Variants in GALK1 observed in about 807,000 individuals in gnomAD.
The protein encoded by GALK1 is galactokinase 1.
GALK1 carries 30 observed loss-of-function variants against 38.6 expected under a neutral mutation model. The ratio of observed to expected loss-of-function variants is 0.78; its 90% CI spans 0.58 to 1.05. The LOEUF is 1.05. Ranked by LOEUF, GALK1 falls within the 50% of genes least tolerant of loss-of-function variation. The pLI is 0.00. For synonymous variants in GALK1, 240 were observed against 233.6 expected (o/e 1.03, Z -0.25); for missense variants, 512 against 540.5 (o/e 0.95, Z 0.52).
chr17:75,757,706 AG>A, downstream of GALK1: 1 of 1,084,338 alleles, frequency 9.2e-7, no homozygotes, highest in Non-Finnish European at 1.4e-6. Context: ...GGAGGCATGA[AG>A]GGGGCAAGGT....
At chr17:75,759,703 G>A (rs888891763) in intron 5 of GALK1, among the ~76,000 whole-genome samples, 1 of 152,098 alleles carries the variant, frequency 6.6e-6, no homozygotes, top group African/African-American at 2.4e-5. Context: ...CTTGGCCAAG[G>A]GCATCTGCAC....
rs763883590 is a variant in GALK1, at chr17:75,763,951, G to A, written c.301C>T (p.Pro101Ser). ...PLPTAQRSLE[P>S]GTPRWANYVK... ...TAGTTGGCCCACCGAGGAGTCCCAG[G>A]CTCCAGCGAGCGCTGGGCTGTGGGC... The change falls in exon 2 of 8, where the codon CCT becomes TCT. Residue 101 changes from proline to serine, a missense_variant. Coordinates refer to ENST00000588479, the MANE Select transcript of GALK1 (RefSeq NM_000154.2). 1.2e-6 allele frequency: 2 copies of A among 1,613,554 alleles called. No individual in the cohort carries two copies. The highest frequency in any genetic ancestry group is 2.2e-5 in the South Asian group (2 of 91,066).
At chr17:75,755,576 A>G, downstream of GALK1, 2 of 1,228,766 alleles carry the variant, frequency 1.6e-6, no homozygotes, top group South Asian at 2.5e-5. Context: ...AGGGTGAGTG[A>G]GTTGTCCAGC....
At chr17:75,756,744 G>A (rs754607950), downstream of GALK1, 61 of 1,612,926 alleles carry the variant, frequency 3.8e-5, no homozygotes, top group Non-Finnish European at 4.5e-5. Flanking sequence ...CCCCAGGCCC[G>A]CTGGTGTTCA....
At chr17:75,754,952 ACGTG>A, downstream of GALK1, 1 of 1,372,336 alleles carries the variant, frequency 7.3e-7, no homozygotes. Context: ...GCACGCACAC[ACGTG>A]CACACGCATG....
At chr17:75,759,922 C>T (rs2061580357) in intron 5 of GALK1, among the ~76,000 whole-genome samples, 1 of 152,144 alleles carries the variant, frequency 6.6e-6, no homozygotes, top group Non-Finnish European at 1.5e-5. Context: ...GGTTCAGATC[C>T]CAGCACTGCC....
At chr17:75,755,895 G>A (rs377643734), downstream of GALK1, 15 of 1,586,444 alleles carry the variant, frequency 9.5e-6, no homozygotes, top group South Asian at 2.2e-5. Context: ...GCCCTGCAAG[G>A]CCTGGCCCCA....
chr17:75,763,274 A>C (rs2061595813), intron 3 of GALK1, 46 bp downstream of exon 3: 1 of 1,613,510 alleles, frequency 6.2e-7, no homozygotes, highest in African/African-American at 1.3e-5. Flanking sequence ...CCACCTGGAG[A>C]CCTCAGGGAA....
intron 3 of GALK1, 78 bp downstream of exon 3, chr17:75,763,241 AT>A: frequency 6.2e-7 from 1 of 1,612,330 alleles, no homozygotes; most frequent in Non-Finnish European, 8.5e-7. Context: ...CACCCCCTCC[AT>A]AAGGCATAGT....
downstream of GALK1, chr17:75,757,684 A>G (rs774338264): frequency 3.8e-6 from 5 of 1,316,804 alleles, no homozygotes; most frequent in Non-Finnish European, 5.4e-6. Context: ...AGCAGGGGCT[A>G]GGTGTCTCCT....
downstream of GALK1, chr17:75,756,610 CCT>C (rs1568387366): frequency 6.2e-7 from 1 of 1,612,822 alleles, no homozygotes; most frequent in South Asian, 1.1e-5. Flanking sequence ...CACTGTGTCC[CCT>C]GCCAGGTGAG....
Position 75,758,488 on chromosome 17 carries a change from G to A in GALK1, c.905C>T (p.Ala302Val), listed in dbSNP as rs780321574. The change falls in exon 6 of 8, where the codon GCC becomes GTC. Residue 302 changes from alanine (A) to valine (V), a missense_variant. Physicochemically the swap from Ala to Val is moderately conservative, Grantham distance 64. Coordinates refer to ENST00000588479, the MANE Select transcript of GALK1 (RefSeq NM_000154.2). ...GCTCTCCACCATGAGGCGGCCAAAG[G>A]CTCTGTAGTCGCCACGTCTCAGGGC... is the stretch of plus-strand genomic sequence containing the variant. ...AAALRRGDYRAFGRLMVESHR... is the reference protein window; with the variant it reads ...AAALRRGDYRVFGRLMVESHR... 5.1e-5 allele frequency: 81 copies of A among 1,578,060 alleles called. 1 individual carries two copies. The Admixed American group carries it at 7.1e-4, about 14-fold the overall frequency.
At chr17:75,759,433 A>AAAG (rs1555748087) in intron 5 of GALK1, among the ~76,000 whole-genome samples, 3 of 149,574 alleles carry the variant, frequency 2.0e-5, no homozygotes, top group East Asian at 3.9e-4. Flanking sequence ...CTCTCAAAAA[A>AAAG]AAAGAAAGAA....
chr17:75,754,877 G>T (rs1452949960), downstream of GALK1: 73 of 1,609,402 alleles, frequency 4.5e-5, no homozygotes, highest in Non-Finnish European at 6.2e-5. Context: ...AGCTCCTGGA[G>T]CCTCGGGCTT....
At chr17:75,753,793 G>T, downstream of GALK1, 10 of 1,459,708 alleles carry the variant, frequency 6.9e-6, no homozygotes, top group Non-Finnish European at 9.0e-6. Context: ...AGCCCCTGCT[G>T]GGGGAGGAGC....
At chr17:75,753,818 G>A, downstream of GALK1, 1 of 1,464,382 alleles carries the variant, frequency 6.8e-7, no homozygotes, top group Non-Finnish European at 9.0e-7. Context: ...CCTGCGGCGC[G>A]TCACGTGGCG....
chr17:75,755,307 C>T (rs1215753711), downstream of GALK1: 1 of 1,343,296 alleles, frequency 7.4e-7, no homozygotes, highest in Non-Finnish European at 1.0e-6. Flanking sequence ...CACTGCTTCC[C>T]CTCCATTCCA....
At position 75,752,087 on chromosome 17, in the gene GALK1, G is replaced by A. The variant is rs1312066943; in HGVS notation, c.*23-350C>T. ...CCCAGCCCCTGGGTGCCATCCAGGG[G>A]ATGCACGGCCGTCCTGCTGTGTCAG... On this transcript the variant is annotated intron_variant, in intron 8 of 8. Coordinates refer to the GALK1 transcript ENST00000225614. The A allele has an allele frequency of 5.0e-6, 7 of 1,408,672 alleles. No homozygotes were observed. In the African/African-American group the frequency reaches 8.5e-5, roughly 17 times the overall value. The allele number at this position is 1,408,672 out of a possible 1,614,324, so 87.3% of individuals were successfully genotyped here.
rs747180158 is a variant in GALK1, at chr17:75,764,449, G to T, written c.166-363C>A. 3 of 566,870 alleles carry T rather than the reference G, an allele frequency of 5.3e-6. No individual in the cohort carries two copies. The African/African-American group carries it at 5.6e-5, about 11-fold the overall frequency. The allele number at this position is 566,870 out of a possible 1,614,324, so 35.1% of individuals were successfully genotyped here. A position where few individuals can be genotyped will look rare whatever the true frequency, so the allele number is the denominator to read the frequency against. On this transcript the variant is annotated intron_variant, in intron 1 of 7. Transcript: ENST00000588479. ...GCACTCCCCAAGCTGCAGATGGGGC[G>T]GAAAGCGCCCCCCGCTGAAAGCTGG...
Sources: gnomAD v4.1 joint callset for allele counts (sites outside exome capture counted in the v4.1 genomes callset) on GRCh38, gnomAD v4.1.1 for gene constraint, MANE v1.5 for transcripts, NCBI Gene and HGNC (gene_info 2026-07-23, HGNC 2026-07-21) for gene names.